Variants in IRF9 observed in about 807,000 individuals in gnomAD.
IRF9 encodes the protein IFN-alpha-responsive transcription factor subunit.
In IRF9, 13 loss-of-function variants were observed where a neutral mutation model predicts 44.1. That is an observed-to-expected ratio of 0.29 (90% CI 0.19 to 0.47). The LOEUF is 0.47. IRF9 is among the 20% of genes least tolerant of loss of function. The pLI is 1.00. For synonymous variants in IRF9, 189 were observed against 188.5 expected (o/e 1.00, Z -0.02); for missense variants, 373 against 496.1 (o/e 0.75, Z 2.36).
intron 1 of IRF9, 49 bp from the exon 2 acceptor site, chr14:24,162,095 C>A: frequency 6.4e-7 from 1 of 1,562,318 alleles, no homozygotes; most frequent in Non-Finnish European, 8.7e-7. Context: ...AGGAGATGTT[C>A]CCTCCCAAAG....
At position 24,165,960 on chromosome 14, in the gene IRF9, A is replaced by G. The variant is rs1169801775; in HGVS notation, c.1105A>G (p.Lys369Glu). Residue 369 changes from lysine (K) to glutamate (E), a missense_variant and splice_region_variant, in exon 8 of 9, where the codon AAG becomes GAG. This residue lies in a region of IRF9 where 146 missense variants were observed against 240.8 expected (regional missense o/e 0.61). Coordinates refer to ENST00000396864, the MANE Select transcript of IRF9 (RefSeq NM_006084.5). ...SHTPQNLITV[K>E]MEQAFARYLL... ...TACTCCACAGAATCTTATCACAGTG[A>G]AGGTGAGCTCGGAGCAGGGGTAGAG... The G allele has an allele frequency of 1.2e-6, 2 of 1,613,080 alleles. No homozygotes were observed. The highest frequency in any genetic ancestry group is 1.7e-6 in the Non-Finnish European group (2 of 1,179,038).
chr14:24,164,037 G>A lies in IRF9; in HGVS notation c.578-26G>A. 1 of 1,613,736 alleles carries A rather than the reference G, an allele frequency of 6.2e-7. No homozygotes were observed. Among genetic ancestry groups the A allele is most frequent in the Non-Finnish European group, 8.5e-7 (1 of 1,179,742 alleles). On this transcript the variant is annotated intron_variant, in intron 5 of 8. Coordinates refer to ENST00000396864, the MANE Select transcript of IRF9 (RefSeq NM_006084.5). This position sits in a 1 kb window ranked among gnomAD's most constrained non-coding sequence, Gnocchi z 5.2. ...AAGACTCCCCAGTCCCACTCTGAAT[G>A]ACCAGTGCCTTTGCTTCCCTTCCAG...
chr14:24,166,428 G>C lies in IRF9; in HGVS notation c.*232G>C, dbSNP rs2038524077. 1 of 574,328 alleles carries C rather than the reference G, an allele frequency of 1.7e-6. No homozygotes were observed. The highest frequency in any genetic ancestry group is 3.1e-6 in the Non-Finnish European group (1 of 325,886). 35.6% of individuals were successfully genotyped at this position (574,328 alleles called of 1,614,324 possible). On this transcript the variant is annotated 3_prime_UTR_variant, in exon 9 of 9. Coordinates refer to ENST00000396864, the MANE Select transcript of IRF9 (RefSeq NM_006084.5). ...TATACGCCCTCTTTCATCTGTAAGG[G>C]ACTAGGAAATTCCAAATGGTGTGAA...
At chr14:24,162,815 A>AT (rs2038476772) in intron 2 of IRF9, 151 bp from the exon 3 acceptor site, 1 of 588,748 alleles carries the variant, frequency 1.7e-6, no homozygotes, top group African/African-American at 1.9e-5. Context: ...AAAAAAAAAA[A>AT]TTTCCAAGGA....
At chr14:24,165,710 ACTT>A in intron 7 of IRF9, 134 bp from the exon 8 acceptor site, 1 of 616,222 alleles carries the variant, frequency 1.6e-6, no homozygotes. Context: ...AGTTCCAAGT[ACTT>A]CTGACCTTGC....
rs761775050 is a variant in IRF9, at chr14:24,162,222, C to T, written c.78C>T (p.Pro26=). 20 of 1,614,128 alleles carry T rather than the reference C, an allele frequency of 1.2e-5. No individual in the cohort carries two copies. The East Asian group carries it at 2.0e-4, about 16-fold the overall frequency. Residue 26 remains proline (P), a synonymous_variant, in exon 2 of 9, where the codon CCC becomes CCT. Coordinates refer to ENST00000396864, the MANE Select transcript of IRF9 (RefSeq NM_006084.5). ...VVEQVESGQF[P]GVCWDDTAKT... ...AGCAAGTGGAGAGTGGGCAGTTTCC[C>T]GGAGTGTGCTGGGATGATACAGCTA...
In IRF9 at chr14:24,164,281, G is replaced by A; in HGVS notation, c.649+147G>A. On this transcript the variant is annotated intron_variant, in intron 6 of 8. Coordinates refer to ENST00000396864, the MANE Select transcript of IRF9 (RefSeq NM_006084.5). The surrounding 1 kb of genome is among the most constrained non-coding windows in gnomAD (Gnocchi z 5.2). ...CTAGGCAGTGGTTTCTAGGTGGCGA[G>A]AATTCCATATGCCTGGCCAGACTCC... 1 of 725,684 alleles carries A rather than the reference G, an allele frequency of 1.4e-6. No individual in the cohort carries two copies. Among genetic ancestry groups the A allele is most frequent in the East Asian group, 2.7e-5 (1 of 37,570 alleles). The allele number at this position is 725,684 out of a possible 1,614,324, so 45.0% of individuals were successfully genotyped here.
In IRF9 at chr14:24,166,238, C is replaced by T. The variant is rs1420970375; in HGVS notation, c.*42C>T. ...CTTCCACCTCACCTCTTTGTTCTTC[C>T]TGTCTCCTTTGAAGTAGACTCATTC... On this transcript the variant is annotated 3_prime_UTR_variant, in exon 9 of 9. Transcript: ENST00000396864. 1 of 1,556,514 alleles carries T rather than the reference C, an allele frequency of 6.4e-7. No individual in the cohort carries two copies. The highest frequency in any genetic ancestry group is 1.7e-5 in the Admixed American group (1 of 59,336).
At position 24,166,193 on chromosome 14, in the gene IRF9, G is replaced by A. The variant is rs950921846; in HGVS notation, c.1179G>A (p.Val393=). 2 of 1,613,660 alleles carry A rather than the reference G, an allele frequency of 1.2e-6. No homozygotes were observed. The highest frequency in any genetic ancestry group is 1.7e-5 in the Admixed American group (1 of 59,990). Residue 393 remains valine, a synonymous_variant, in exon 9 of 9, where the codon GTG becomes GTA. Transcript: ENST00000396864. ...AGCAGGCAGCCATTCTGTCCCTGGT[G>A]TAGAGCCTGGGGGACCCATCTTCCA... is the stretch of plus-strand genomic sequence containing the variant. ...PEQQAAILSL[V]
At chr14:24,165,192 C>A (rs764437074) in intron 7 of IRF9, 2 of 702,930 alleles carry the variant, frequency 2.8e-6, no homozygotes, top group South Asian at 3.0e-5. Context: ...AGGTAGAGCC[C>A]AGCACAAGAG....
Position 24,165,867 on chromosome 14 carries a change from G to T in IRF9, c.1012G>T (p.Gly338Cys). Residue 338 changes from glycine to cysteine, a missense_variant, in exon 8 of 9, where the codon GGC becomes TGC. By Grantham distance (159) the Gly-to-Cys change is radical. Transcript: ENST00000396864. ...TTCAGACTTGGTCAGGTACTTTCAG[G>T]GCCTGGGCCCCCCACCGAAGTTCCA... Reference protein sequence around the residue: ...FCRDLVRYFQGLGPPPKFQVT... With the variant: ...FCRDLVRYFQCLGPPPKFQVT... 1 of 1,613,980 alleles carries T rather than the reference G, an allele frequency of 6.2e-7. No homozygotes were observed.
chr14:24,165,219 A>G, intron 7 of IRF9: 1 of 702,364 alleles, frequency 1.4e-6, no homozygotes, highest in South Asian at 1.5e-5. Flanking sequence ...ATCTTGGAGA[A>G]CACCATCACA....
intron 3 of IRF9, 70 bp from the exon 4 acceptor site, chr14:24,163,308 C>G: frequency 6.3e-7 from 1 of 1,576,794 alleles, no homozygotes; most frequent in Non-Finnish European, 8.6e-7. Flanking sequence ...TTCACTGCCT[C>G]AGACCTCTCC....
chr14:24,165,559 T>C (rs2038512416), intron 7 of IRF9: 1 of 530,802 alleles, frequency 1.9e-6, no homozygotes, highest in African/African-American at 1.9e-5. Context: ...ACATCTGAGT[T>C]AGCAGCCAGG....
At position 24,164,329 on chromosome 14, in the gene IRF9, A is replaced by T. The variant is rs774686894; in HGVS notation, c.649+195A>T. 5.3e-5 allele frequency: 33 copies of T among 623,580 alleles called. No individual in the cohort carries two copies. The highest frequency in any genetic ancestry group is 6.8e-5 in the Non-Finnish European group (24 of 351,618). 38.6% of individuals were successfully genotyped at this position (623,580 alleles called of 1,614,324 possible). On this transcript the variant is annotated intron_variant, in intron 6 of 8. Coordinates refer to ENST00000396864, the MANE Select transcript of IRF9 (RefSeq NM_006084.5). The surrounding 1 kb of genome is among the most constrained non-coding windows in gnomAD (Gnocchi z 5.2). ...TCCAAAAAGCTTGCTTCCCAAAAAT[A>T]CCACCCTATACACTCTCCTGGAAAT...
chr14:24,164,071 A>T lies in IRF9; in HGVS notation c.586A>T (p.Thr196Ser), dbSNP rs2038493824. The T allele has an allele frequency of 3.7e-6, 6 of 1,614,108 alleles. No homozygotes were observed. Among genetic ancestry groups the T allele is most frequent in the African/African-American group, 2.7e-5 (2 of 75,022 alleles). The change falls in exon 6 of 9, where the codon ACA becomes TCA. Residue 196 changes from threonine to serine, a missense_variant. This residue lies in a region of IRF9 where 227 missense variants were observed against 255.3 expected (regional missense o/e 0.89). Coordinates refer to ENST00000396864, the MANE Select transcript of IRF9 (RefSeq NM_006084.5). The surrounding 1 kb of genome is among the most constrained non-coding windows in gnomAD (Gnocchi z 5.2). Reference sequence around the variant, plus strand: ...CTTTGCTTCCCTTCCAGTTACAGACACAACTGAGGCCCCCTTTCAAGGGGA... The same window carrying T: ...CTTTGCTTCCCTTCCAGTTACAGACTCAACTGAGGCCCCCTTTCAAGGGGA... ...SSPEPQEVTD[T>S]TEAPFQGDQR...
Position 24,164,897 on chromosome 14 carries a change from G to A in IRF9, c.933G>A (p.Pro311=), listed in dbSNP as rs188267085. Residue 311 remains proline (P), a synonymous_variant, in exon 7 of 9, where the codon CCG becomes CCA. Transcript: ENST00000396864. This position sits in a 1 kb window ranked among gnomAD's most constrained non-coding sequence, Gnocchi z 5.2. ...NAPQAPPGPG[P]HLLPSNECVE... is the part of the protein sequence containing the mutation. ...CCCAGGCTCCACCTGGGCCAGGCCC[G>A]CATCTGCTGCCCAGCAACGAGTGCG... 4.2e-5 allele frequency: 67 copies of A among 1,612,470 alleles called. No homozygotes were observed. Among genetic ancestry groups the A allele is most frequent in the African/African-American group, 2.5e-4 (19 of 75,056 alleles).
intron 3 of IRF9, 57 bp downstream of exon 3, chr14:24,163,206 G>A (rs55902419): frequency 6.3e-7 from 1 of 1,587,426 alleles, no homozygotes; most frequent in African/African-American, 1.3e-5. Flanking sequence ...AGGAAGGATA[G>A]ATGTGCAGGC....
chr14:24,164,751 G>C lies in IRF9; in HGVS notation c.787G>C (p.Gly263Arg). ...SMEQVLFPKPGPLEPTQRLLS... is the reference protein window; with the variant it reads ...SMEQVLFPKPRPLEPTQRLLS... Reference sequence around the variant, plus strand: ...GGAGCAGGTGCTGTTCCCCAAGCCTGGCCCACTGGAGCCCACGCAGCGCCT... The same window carrying C: ...GGAGCAGGTGCTGTTCCCCAAGCCTCGCCCACTGGAGCCCACGCAGCGCCT... Residue 263 changes from glycine (G) to arginine (R), a missense_variant, in exon 7 of 9, where the codon GGC becomes CGC. Physicochemically the swap from Gly to Arg is moderately radical, Grantham distance 125. Transcript: ENST00000396864. The surrounding 1 kb of genome is among the most constrained non-coding windows in gnomAD (Gnocchi z 5.2). The C allele has an allele frequency of 6.2e-7, 1 of 1,612,228 alleles. No individual in the cohort carries two copies.
Sources: allele counts gnomAD v4.1 joint callset, GRCh38; gene constraint gnomAD v4.1.1; regional missense constraint gnomAD v4.1.1; non-coding constraint Gnocchi (gnomAD v3.1); transcripts MANE v1.5; gene names NCBI Gene and HGNC (gene_info 2026-07-23, HGNC 2026-07-21).